HORMAD2: variants seen among roughly 807,000 people sequenced by gnomAD.
HORMAD2 encodes HORMA domain-containing protein 2.
HORMAD2 carries 45 observed loss-of-function variants against 38.8 expected under a neutral mutation model. The ratio of observed to expected loss-of-function variants is 1.16; its 90% CI spans 0.91 to 1.49. The LOEUF (loss-of-function observed/expected upper bound fraction) is 1.49. Ranked by LOEUF, HORMAD2 falls within the 40% of genes most tolerant of loss-of-function variation. The probability of loss-of-function intolerance (pLI) is 0.00; values close to 1 mark genes in which losing one functional copy is unlikely to be tolerated. For missense variants in HORMAD2, 338 were observed against 367.0 expected, an observed-to-expected ratio of 0.92 and a Z score of 0.65; for synonymous variants, 126 against 122.8, an observed-to-expected ratio of 1.03 and a Z score of -0.17.
At chr22:30,202,009 T>C in the HORMAD2 span, among the ~76,000 whole-genome samples, 1 of 152,146 alleles carries the variant, frequency 6.6e-6, no homozygotes, top group Non-Finnish European at 1.5e-5. Flanking sequence ...ATAATCTGTA[T>C]TGGAGGGAAG....
chr22:30,099,584 C>A (rs1920929942), intron 3 of HORMAD2, among the ~76,000 whole-genome samples: 1 of 151,992 alleles, frequency 6.6e-6, no homozygotes. Context: ...CTTTTCTTCT[C>A]TTATTATAAA....
At chr22:30,184,423 C>T in the HORMAD2 span, among the ~76,000 whole-genome samples, 1 of 152,168 alleles carries the variant, frequency 6.6e-6, no homozygotes, top group Non-Finnish European at 1.5e-5. Context: ...ACTTTTCACT[C>T]ACTGATGGAG....
chr22:30,144,033 T>A (rs1003023262), intron 10 of HORMAD2, among the ~76,000 whole-genome samples: 2 of 152,316 alleles, frequency 1.3e-5, no homozygotes, highest in East Asian at 1.9e-4. Context: ...CATGAGCCAA[T>A]TAAACCTCTT....
chr22:30,160,861 G>A (rs1383928722), intron 10 of HORMAD2, among the ~76,000 whole-genome samples: 1 of 152,164 alleles, frequency 6.6e-6, no homozygotes, highest in Non-Finnish European at 1.5e-5. Context: ...TTTTGTGTTA[G>A]AAATTTTGAA....
At chr22:30,170,123 G>C (rs927497405) in intron 10 of HORMAD2, among the ~76,000 whole-genome samples, 9 of 152,100 alleles carry the variant, frequency 5.9e-5, no homozygotes, top group African/African-American at 1.9e-4. Context: ...GGAAATCTTT[G>C]ATCTGGAAAC....
intron 10 of HORMAD2, among the ~76,000 whole-genome samples, chr22:30,123,930 A>G (rs1699360774): frequency 1.3e-5 from 2 of 151,760 alleles, no homozygotes; most frequent in Admixed American, 6.6e-5. Flanking sequence ...TTGGCCTCTC[A>G]AAGTGCTAGG....
chr22:30,159,586 T>G (rs767556233), intron 10 of HORMAD2, among the ~76,000 whole-genome samples: 6 of 152,214 alleles, frequency 3.9e-5, no homozygotes, highest in Non-Finnish European at 5.9e-5. Context: ...AAAAATCGAA[T>G]GTTTGCCCTA....
intron 10 of HORMAD2, among the ~76,000 whole-genome samples, chr22:30,161,369 G>T (rs1471474167): frequency 6.6e-6 from 1 of 152,116 alleles, no homozygotes; most frequent in Non-Finnish European, 1.5e-5. Context: ...TGAGAAGCAG[G>T]GTATTGCATT....
intron 1 of HORMAD2, among the ~76,000 whole-genome samples, chr22:30,083,319 T>C (rs2068516879): frequency 6.6e-6 from 1 of 152,196 alleles, no homozygotes; most frequent in Non-Finnish European, 1.5e-5. Flanking sequence ...CAAATATGTG[T>C]GGATCTAATT....
intron 10 of HORMAD2, among the ~76,000 whole-genome samples, chr22:30,126,835 C>T (rs144463420): frequency 1.3e-5 from 2 of 152,290 alleles, no homozygotes; most frequent in Admixed American, 1.3e-4. Context: ...GCTTTACATC[C>T]TCACTAACCC....
the HORMAD2 span, among the ~76,000 whole-genome samples, chr22:30,188,094 T>C: frequency 6.6e-6 from 1 of 152,104 alleles, no homozygotes; most frequent in South Asian, 2.1e-4. Flanking sequence ...ATTTTTCTGG[T>C]AAACAAAACT....
At chr22:30,123,196 C>T (rs921720174) in intron 10 of HORMAD2, among the ~76,000 whole-genome samples, 4 of 151,976 alleles carry the variant, frequency 2.6e-5, no homozygotes, top group East Asian at 1.9e-4. Flanking sequence ...AGTGCTTTCT[C>T]GATGTTAGAC....
chr22:30,175,275 T>TATAATATAATATAGAATATATATA (rs1926374261), intron 10 of HORMAD2, among the ~76,000 whole-genome samples: 2 of 141,956 alleles, frequency 1.4e-5, no homozygotes, highest in Non-Finnish European at 3.0e-5. Flanking sequence ...TAATAATATA[T>TATAATATAATATAGAATATATATA]ATAATATAAT....
downstream of HORMAD2, among the ~76,000 whole-genome samples, chr22:30,177,475 C>T (rs1225237872): frequency 1.3e-5 from 2 of 152,090 alleles, no homozygotes; most frequent in Non-Finnish European, 2.9e-5. Context: ...GGAGCATTTC[C>T]CCTTCTTTTA....
chr22:30,139,254 CTATATATATATATATATA>C (rs3067131), intron 10 of HORMAD2, among the ~76,000 whole-genome samples: 25 of 96,738 alleles, frequency 2.6e-4, no homozygotes, highest in African/African-American at 9.5e-4. Context: ...ATGAACTGTA[CTATATATATATATATATA>C]TATATATATA....
Position 30,121,706 on chromosome 22 carries a change from G to A in HORMAD2, c.485G>A (p.Arg162His), listed in dbSNP as rs763989474. The change falls in exon 9 of 11, where the codon CGT becomes CAT. Residue 162 changes from arginine (R) to histidine (H), a missense_variant. Arg to His is a conservative substitution (Grantham distance 29). Coordinates refer to ENST00000336726, the MANE Select transcript of HORMAD2 (RefSeq NM_152510.4). ...AAGAAAGCCAGTGTTCTACTGATCC[G>A]TAAATTGTATATACTGATGCAGGAC... is the stretch of plus-strand genomic sequence containing the variant. ...DIKKASVLLI[R>H]KLYILMQDLE... 59 of 1,610,112 alleles carry A rather than the reference G, an allele frequency of 3.7e-5. No individual in the cohort carries two copies. The highest frequency in any genetic ancestry group is 1.8e-4 in the East Asian group (8 of 44,814).
chr22:30,169,266 C>T (rs1302177138), intron 10 of HORMAD2, among the ~76,000 whole-genome samples: 1 of 152,130 alleles, frequency 6.6e-6, no homozygotes, highest in Non-Finnish European at 1.5e-5. Flanking sequence ...TTTCCCCGTA[C>T]CAGGCCTTCT....
chr22:30,092,147 C>T (rs12373962), intron 1 of HORMAD2, among the ~76,000 whole-genome samples: 20,220 of 151,540 alleles, frequency 0.13, 1,517 homozygotes, highest in South Asian at 0.26. Context: ...TCCCAAAGTG[C>T]TGGGATTACA....
chr22:30,103,639 T>C (rs1920981646), intron 4 of HORMAD2, 139 bp downstream of exon 4: 2 of 469,356 alleles, frequency 4.3e-6, no homozygotes, highest in South Asian at 3.5e-5. Flanking sequence ...TTTTTCTTTT[T>C]CTGTTTTTGA....
Sources: gnomAD v4.1 joint callset for allele counts (sites outside exome capture counted in the v4.1 genomes callset) on GRCh38, gnomAD v4.1.1 for gene constraint, MANE v1.5 for transcripts, NCBI Gene and HGNC (gene_info 2026-07-23, HGNC 2026-07-21) for gene names.